The following PLEKHA7 variants were observed in gnomAD, a reference collection of about 807,000 sequenced individuals.
PLEKHA7 encodes the protein pleckstrin homology domain containing A7.
Under a neutral mutation model 170.0 loss-of-function variants are expected in PLEKHA7, and 104 were observed. That is an observed-to-expected ratio of 0.61 (90% CI 0.52 to 0.72). PLEKHA7 has a LOEUF of 0.72. Ranked by LOEUF, PLEKHA7 falls within the 30% of genes least tolerant of loss-of-function variation. The pLI is 0.00. For synonymous variants in PLEKHA7, 648 were observed against 660.8 expected, an observed-to-expected ratio of 0.98 and a Z score of 0.30; for missense variants, 1,615 against 1,671.7, an observed-to-expected ratio of 0.97 and a Z score of 0.59.
chr11:16,790,077 C>T (rs1476977962), intron 21 of PLEKHA7, 199 bp from the exon 22 acceptor site: 2 of 582,046 alleles, frequency 3.4e-6, no homozygotes, highest in Non-Finnish European at 6.1e-6. Flanking sequence ...GACCTTTGTC[C>T]CTGATGGGGG....
In PLEKHA7 at chr11:17,014,387, C is replaced by T. The variant is rs1391409381; in HGVS notation, c.15G>A (p.Thr5=). MAAA[T]VGRDTLPEHW... is the part of the protein sequence containing the mutation. ...GCTCAGGTAAAGTGTCCCGCCCGAC[C>T]GTCGCCGCCGCCATGTTCGCCGAGC... is the stretch of plus-strand genomic sequence containing the variant. Residue 5 remains threonine (T), a synonymous_variant, in exon 1 of 27, where the codon ACG becomes ACA. Coordinates refer to ENST00000531066, the MANE Select transcript of PLEKHA7 (RefSeq NM_001329630.2). 3 of 1,345,974 alleles carry T rather than the reference C, an allele frequency of 2.2e-6. No homozygotes were observed. The highest frequency in any genetic ancestry group is 2.9e-6 in the Non-Finnish European group (3 of 1,036,464). The allele number at this position is 1,345,974 out of a possible 1,614,324, so 83.4% of individuals were successfully genotyped here. A position where few individuals can be genotyped will look rare whatever the true frequency, so the allele number is the denominator to read the frequency against.
chr11:16,985,943 G>A (rs1180644311), intron 3 of PLEKHA7, among the ~76,000 whole-genome samples: 1 of 152,260 alleles, frequency 6.6e-6, no homozygotes, highest in East Asian at 1.9e-4. Context: ...AAGCACAAAT[G>A]GAGGGATATC....
chr11:16,860,678 G>T (rs999157696), intron 4 of PLEKHA7, among the ~76,000 whole-genome samples: 1 of 152,138 alleles, frequency 6.6e-6, no homozygotes, highest in African/African-American at 2.4e-5. Flanking sequence ...ATAGAAATTG[G>T]ACTCCAAAAC....
At position 16,855,912 on chromosome 11, in the gene PLEKHA7, G is replaced by A. The variant is rs778698130; in HGVS notation, c.308C>T (p.Pro103Leu). The A allele has an allele frequency of 1.3e-5, 21 of 1,611,684 alleles. No homozygotes were observed. The Admixed American group carries it at 1.3e-4, about 10-fold the overall frequency. Residue 103 changes from proline (P) to leucine (L), a missense_variant and splice_region_variant, in exon 5 of 27, where the codon CCG becomes CTG. Pro to Leu is a moderately conservative substitution (Grantham distance 98). Transcript: ENST00000531066. ...ENSEFILQEE[P>L]NPHMSKQDRN... Reference sequence around the variant, plus strand: ...GTCTTGCTTCGACATATGTGGATTCGGCCTGTGAGGAGACAGGGGATTCCA... The same window carrying A: ...GTCTTGCTTCGACATATGTGGATTCAGCCTGTGAGGAGACAGGGGATTCCA...
At chr11:16,782,063 C>A (rs1849061415) in intron 26 of PLEKHA7, among the ~76,000 whole-genome samples, 1 of 151,864 alleles carries the variant, frequency 6.6e-6, no homozygotes, top group Admixed American at 6.6e-5. Context: ...AAAGAGCAGC[C>A]CTTTTATACA....
chr11:17,014,254 G>A (rs1011769848), intron 1 of PLEKHA7, 53 bp from the exon 2 acceptor site: 3 of 1,345,734 alleles, frequency 2.2e-6, no homozygotes, highest in Middle Eastern at 5.4e-4. Flanking sequence ...CCGGGTGCCC[G>A]CCCGGCCCCC....
At chr11:16,946,563 CA>C (rs1270738594) in intron 3 of PLEKHA7, among the ~76,000 whole-genome samples, 1 of 152,048 alleles carries the variant, frequency 6.6e-6, no homozygotes, top group African/African-American at 2.4e-5. Context: ...AAGTGTTTCC[CA>C]AGAGGTTTGC....
rs758829829 is a variant in PLEKHA7 at position 16,851,342 on chromosome 11, C to A, written c.596-51G>T. 3 of 1,398,626 alleles carry A rather than the reference C, an allele frequency of 2.1e-6. No individual in the cohort carries two copies. The South Asian group carries it at 4.0e-5, about 18-fold the overall frequency. 86.6% of individuals were successfully genotyped at this position (1,398,626 alleles called of 1,614,324 possible). A position where few individuals can be genotyped will look rare whatever the true frequency, so the allele number is the denominator to read the frequency against. On this transcript the variant is annotated intron_variant, in intron 7 of 26. Transcript: ENST00000531066. Reference sequence around the variant, plus strand: ...CAACCTTCTGGGCAGTTTCCCTGGGCTCATCTGTCCCACTGCTTCCAGAAC... The same window carrying A: ...CAACCTTCTGGGCAGTTTCCCTGGGATCATCTGTCCCACTGCTTCCAGAAC...
intron 5 of PLEKHA7, chr11:16,855,542 C>T: frequency 2.3e-6 from 1 of 444,088 alleles, no homozygotes; most frequent in East Asian, 3.9e-5. Flanking sequence ...GAAACGTGGC[C>T]CTCCCAACCA....
At chr11:16,846,207 C>T (rs1397010076) in intron 8 of PLEKHA7, among the ~76,000 whole-genome samples, 1 of 152,022 alleles carries the variant, frequency 6.6e-6, no homozygotes, top group Non-Finnish European at 1.5e-5. Context: ...ATCTCTTGAA[C>T]CTGGGAGGCA....
intron 3 of PLEKHA7, among the ~76,000 whole-genome samples, chr11:16,958,035 G>C (rs1365699634): frequency 1.3e-5 from 2 of 151,984 alleles, no homozygotes; most frequent in Non-Finnish European, 2.9e-5. Flanking sequence ...TCATATCTCA[G>C]CCAGGCATAG....
chr11:17,006,585 C>T (rs1460163075), intron 3 of PLEKHA7, among the ~76,000 whole-genome samples: 1 of 150,848 alleles, frequency 6.6e-6, no homozygotes, highest in Non-Finnish European at 1.5e-5. Flanking sequence ...CGAGATGCCG[C>T]CACTGCACTC....
chr11:16,928,141 T>C (rs1030928321), intron 3 of PLEKHA7, among the ~76,000 whole-genome samples: 2 of 152,142 alleles, frequency 1.3e-5, no homozygotes, highest in East Asian at 1.9e-4. Flanking sequence ...TATTAAAGTA[T>C]AGAAGAACCT....
chr11:16,943,633 T>C (rs772553421), intron 3 of PLEKHA7, among the ~76,000 whole-genome samples: 3 of 152,158 alleles, frequency 2.0e-5, no homozygotes, highest in Non-Finnish European at 2.9e-5. Context: ...AAAATGGGAA[T>C]GGGAAGGAGG....
At chr11:16,853,252 T>C (rs563656791) in intron 6 of PLEKHA7, among the ~76,000 whole-genome samples, 6 of 152,352 alleles carry the variant, frequency 3.9e-5, no homozygotes, top group South Asian at 2.1e-4. Context: ...GCAGAAGTTT[T>C]TGACAAGCTT....
intron 3 of PLEKHA7, among the ~76,000 whole-genome samples, chr11:17,004,732 C>A (rs918273867): frequency 4.6e-5 from 7 of 152,072 alleles, no homozygotes; most frequent in Non-Finnish European, 1.0e-4. Flanking sequence ...CCCCTCTGAG[C>A]CCAAATTCCC....
Position 16,920,099 on chromosome 11 carries a change from G to C in PLEKHA7, c.222-48917C>G, listed in dbSNP as rs1217930702. Among the ~76,000 whole-genome samples, 5 of 152,196 alleles carry C rather than the reference G, an allele frequency of 3.3e-5. No individual in the cohort carries two copies. In the East Asian group the frequency reaches 7.7e-4, roughly 23 times the overall value. On this transcript the variant is annotated intron_variant, in intron 3 of 26. Coordinates refer to ENST00000531066, the MANE Select transcript of PLEKHA7 (RefSeq NM_001329630.2). ...CAATGCCTCCTTCACAAGGTTGATG[G>C]GGGATTAAATGTGAGTAACTTGTAT...
intron 3 of PLEKHA7, among the ~76,000 whole-genome samples, chr11:16,897,131 C>T (rs901825522): frequency 4.6e-5 from 7 of 152,166 alleles, no homozygotes; most frequent in African/African-American, 1.7e-4. Context: ...AGTACTGACA[C>T]TATTACCATT....
chr11:16,868,751 A>T (rs956459109), intron 4 of PLEKHA7, among the ~76,000 whole-genome samples: 1 of 152,236 alleles, frequency 6.6e-6, no homozygotes, highest in African/African-American at 2.4e-5. Context: ...GAAAAAAGTA[A>T]GCCTTAAAAA....
Sources: gnomAD v4.1 joint callset for allele counts (sites outside exome capture counted in the v4.1 genomes callset) on GRCh38, gnomAD v4.1.1 for gene constraint, MANE v1.5 for transcripts, NCBI Gene and HGNC (gene_info 2026-07-23, HGNC 2026-07-21) for gene names.